PPP2R3B: variants seen among roughly 807,000 people sequenced by gnomAD.
The protein encoded by PPP2R3B is protein phosphatase 2 regulatory subunit B''beta, also known as serine/threonine-protein phosphatase 2A regulatory subunit B'' subunit beta.
In PPP2R3B, 68 loss-of-function variants were observed where a neutral mutation model predicts 72.9. The observed-to-expected ratio is 0.93, with a 90% CI of 0.77 to 1.14. PPP2R3B has a LOEUF of 1.14. Among genes scored for constraint, PPP2R3B ranks in the 50% most tolerant of loss-of-function variants. The probability of loss-of-function intolerance (pLI) is 0.00; values close to 1 mark genes in which losing one functional copy is unlikely to be tolerated. For synonymous variants in PPP2R3B, 466 were observed against 375.8 expected (o/e 1.24, Z -2.78); for missense variants, 1,018 against 842.0 (o/e 1.21, Z -2.59).
chrX:343,777 G>A (rs1319680428), intron 7 of PPP2R3B, among the ~76,000 whole-genome samples: 1 of 10,998 alleles, frequency 9.1e-5, no homozygotes, highest in Non-Finnish European at 2.1e-4. Context: ...AGCAACGGGA[G>A]GGGGGGAGGG....
chrX:340,819 G>C lies in PPP2R3B; in HGVS notation c.1297C>G (p.Pro433Ala). The C allele has an allele frequency of 6.2e-7, 1 of 1,609,288 alleles. No individual in the cohort carries two copies. The highest frequency in any genetic ancestry group is 8.5e-7 in the Non-Finnish European group (1 of 1,179,132). Reference sequence around the variant, plus strand: ...ATCTGGCAGAGGCAGTCCTGGAAGGGCAGGGCCTCGATGGCCATGCTGTCC... The same window carrying C: ...ATCTGGCAGAGGCAGTCCTGGAAGGCCAGGGCCTCGATGGCCATGCTGTCC... ...RLDSMAIEAL[P>A]FQDCLCQMLD... Residue 433 changes from proline to alanine, a missense_variant, in exon 10 of 13, where the codon CCC becomes GCC. Coordinates refer to ENST00000390665, the MANE Select transcript of PPP2R3B (RefSeq NM_013239.5).
In PPP2R3B at chrX:382,029, GGTCA is replaced by G. The variant is rs921907406; in HGVS notation, c.324+4335_324+4338del. On this transcript the variant is annotated intron_variant, in intron 1 of 12. Transcript: ENST00000390665. ...AAGGTAAACTTTTAGTCCCAAACAA[GGTCA>G]GTCACTGCTTTTTGAAAATTCTTGC... is the stretch of plus-strand genomic sequence containing the variant. Among the ~76,000 whole-genome samples the G allele has an allele frequency of 9.9e-5, 15 of 152,138 alleles. No individual in the cohort carries two copies. In the East Asian group the frequency reaches 1.7e-3, roughly 18 times the overall value.
At chrX:354,030 G>T (rs867156508) in intron 2 of PPP2R3B, among the ~76,000 whole-genome samples, 3 of 91,752 alleles carry the variant, frequency 3.3e-5, no homozygotes, top group African/African-American at 1.4e-4. Context: ...GCAGGGGCTC[G>T]CCCAGGGACC....
In PPP2R3B at chrX:381,810, A is replaced by G. The variant is rs774484055; in HGVS notation, c.324+4558T>C. 2.2e-4 allele frequency among the ~76,000 whole-genome samples: 33 copies of G among 151,930 alleles called. No individual in the cohort carries two copies. In the East Asian group the frequency reaches 3.9e-3, roughly 18 times the overall value. Reference sequence around the variant, plus strand: ...AGACAGGGTTTCACTGTGTTAGCCAAGATGGTCTCTATCTCCTGACCTTGT... The same window carrying G: ...AGACAGGGTTTCACTGTGTTAGCCAGGATGGTCTCTATCTCCTGACCTTGT... On this transcript the variant is annotated intron_variant, in intron 1 of 12. Coordinates refer to ENST00000390665, the MANE Select transcript of PPP2R3B (RefSeq NM_013239.5).
At chrX:370,898 C>T (rs2071846258) in intron 1 of PPP2R3B, among the ~76,000 whole-genome samples, 1 of 152,188 alleles carries the variant, frequency 6.6e-6, no homozygotes, top group South Asian at 2.1e-4. Flanking sequence ...TTCAGCCATG[C>T]GTGGTGCCGT....
intron 12 of PPP2R3B, 48 bp downstream of exon 12, chrX:338,556 C>G: frequency 7.3e-7 from 1 of 1,373,678 alleles, no homozygotes; most frequent in Non-Finnish European, 9.9e-7. Context: ...CCCACTCACC[C>G]GTCCTCCCAC....
intron 2 of PPP2R3B, among the ~76,000 whole-genome samples, chrX:350,853 G>A (rs1480793397): frequency 6.6e-6 from 1 of 152,212 alleles, no homozygotes; most frequent in Non-Finnish European, 1.5e-5. Flanking sequence ...AAGCACACCA[G>A]TGGGAAGAGG....
chrX:372,219 C>T, intron 1 of PPP2R3B, among the ~76,000 whole-genome samples: 1 of 152,350 alleles, frequency 6.6e-6, no homozygotes, highest in East Asian at 1.9e-4. Context: ...CCAGCCTCGC[C>T]CTTACCCACT....
intron 1 of PPP2R3B, among the ~76,000 whole-genome samples, chrX:370,575 A>G (rs2071837537): frequency 6.6e-6 from 1 of 152,064 alleles, no homozygotes; most frequent in South Asian, 2.1e-4. Flanking sequence ...GATGCTCCTG[A>G]GCTTGGTCTT....
intron 12 of PPP2R3B, chrX:334,730 A>C (rs1208759356): frequency 3.7e-6 from 2 of 541,074 alleles, no homozygotes; most frequent in Non-Finnish European, 6.0e-6. Flanking sequence ...GGTGCAGGTG[A>C]AAACCCACCC....
chrX:355,519 C>T (rs1209478806), intron 2 of PPP2R3B, among the ~76,000 whole-genome samples: 2 of 152,160 alleles, frequency 1.3e-5, no homozygotes, highest in African/African-American at 2.4e-5. Flanking sequence ...AACAACGGTG[C>T]AGCCACTCGG....
chrX:383,619 C>T (rs750018058), intron 1 of PPP2R3B, among the ~76,000 whole-genome samples: 2 of 151,724 alleles, frequency 1.3e-5, no homozygotes, highest in African/African-American at 4.8e-5. Flanking sequence ...GGGCGGATCA[C>T]GAGGTCAGGA....
intron 2 of PPP2R3B, among the ~76,000 whole-genome samples, chrX:353,416 T>C (rs947499403): frequency 8.6e-5 from 13 of 151,818 alleles, no homozygotes; most frequent in Admixed American, 3.3e-4. Context: ...CCTGTGTTTA[T>C]TGAAACAATT....
chrX:386,433 C>A lies in PPP2R3B; in HGVS notation c.259G>T (p.Ala87Ser). The change falls in exon 1 of 13, where the codon GCC becomes TCC. Residue 87 changes from alanine (A) to serine (S), a missense_variant. Coordinates refer to ENST00000390665, the MANE Select transcript of PPP2R3B (RefSeq NM_013239.5). ...PGPGPALPLGAASSPRNAPHV... is the reference protein window; with the variant it reads ...PGPGPALPLGSASSPRNAPHV... ...GGCGCGTTCCTGGGGCTGGAGGCGGCGCCCAGGGGCAGCGCAGGGCCCGGC... is the reference window on the plus strand; with the variant it reads ...GGCGCGTTCCTGGGGCTGGAGGCGGAGCCCAGGGGCAGCGCAGGGCCCGGC... 2 of 1,317,484 alleles carry A rather than the reference C, an allele frequency of 1.5e-6. No individual in the cohort carries two copies. The highest frequency in any genetic ancestry group is 3.1e-5 in the South Asian group (1 of 31,974). 81.6% of individuals were successfully genotyped at this position (1,317,484 alleles called of 1,614,324 possible). A position where few individuals can be genotyped will look rare whatever the true frequency, so the allele number is the denominator to read the frequency against.
rs2070969321 is a variant in PPP2R3B at position 338,827 on chromosome X, A to ATGTTGAAGAAGG, written c.1409_1420dup (p.Thr470_Asn473dup). 6.2e-7 allele frequency: 1 copy of ATGTTGAAGAAGG among 1,612,380 alleles called. No homozygotes were observed. Among genetic ancestry groups the ATGTTGAAGAAGG allele is most frequent in the Non-Finnish European group, 8.5e-7 (1 of 1,179,682 alleles). On this transcript the variant is annotated inframe_insertion, in exon 11 of 13. Coordinates refer to ENST00000390665, the MANE Select transcript of PPP2R3B (RefSeq NM_013239.5). ...CTGCTCGTGGTCGAGGTACTTCTCG[A>ATGTTGAAGAAGG]TGTTGAAGAAGGTGTCGAAGAAGAC... is the stretch of plus-strand genomic sequence containing the variant.
intron 1 of PPP2R3B, among the ~76,000 whole-genome samples, chrX:383,690 T>C (rs2072174575): frequency 6.6e-6 from 1 of 151,246 alleles, no homozygotes; most frequent in South Asian, 2.1e-4. Context: ...ACAAAAAAAT[T>C]AGCCGGGCGT....
At chrX:341,540 T>C (rs867602012) in intron 8 of PPP2R3B, 144 bp from the exon 9 acceptor site, 11 of 763,222 alleles carry the variant, frequency 1.4e-5, no homozygotes, top group Non-Finnish European at 2.4e-5. Flanking sequence ...TCCTCCTGCC[T>C]CTCCGGGGAG....
chrX:369,860 G>A (rs895928345), intron 1 of PPP2R3B, among the ~76,000 whole-genome samples: 9 of 152,208 alleles, frequency 5.9e-5, no homozygotes, highest in African/African-American at 1.7e-4. Context: ...GCTCTGCAGC[G>A]GCCCCCACTC....
At chrX:371,478 C>A (rs2071862475) in intron 1 of PPP2R3B, among the ~76,000 whole-genome samples, 1 of 152,082 alleles carries the variant, frequency 6.6e-6, no homozygotes, top group Non-Finnish European at 1.5e-5. Context: ...TCGGGGCAGG[C>A]AGCACCCGCC....
Sources: gnomAD v4.1 joint callset for allele counts (sites outside exome capture counted in the v4.1 genomes callset) on GRCh38, gnomAD v4.1.1 for gene constraint, MANE v1.5 for transcripts, NCBI Gene and HGNC (gene_info 2026-07-23, HGNC 2026-07-21) for gene names.